The following SLC2A13 variants were observed in gnomAD, a reference collection of about 807,000 sequenced individuals.
The protein encoded by SLC2A13 is solute carrier family 2 member 13.
Under a neutral mutation model 64.4 loss-of-function variants are expected in SLC2A13, and 32 were observed. That is an observed-to-expected ratio of 0.50 (90% confidence interval 0.37 to 0.67). The LOEUF (loss-of-function observed/expected upper bound fraction) is 0.67, where lower values mean the gene tolerates loss of function less well. SLC2A13 is among the 30% of genes least tolerant of loss of function. The pLI is 0.00. For missense variants in SLC2A13, 743 were observed against 829.2 expected, an observed-to-expected ratio of 0.90 and a Z score of 1.28; for synonymous variants, 338 against 327.1, an observed-to-expected ratio of 1.03 and a Z score of -0.36.
At chr12:39,994,461 G>A (rs1396941805) in intron 3 of SLC2A13, among the ~76,000 whole-genome samples, 1 of 150,982 alleles carries the variant, frequency 6.6e-6, no homozygotes, top group Admixed American at 6.6e-5. Context: ...ATATGTGTGT[G>A]CATATACATA....
At chr12:40,074,740 T>C (rs1011309717) in intron 1 of SLC2A13, among the ~76,000 whole-genome samples, 2 of 152,176 alleles carry the variant, frequency 1.3e-5, no homozygotes, top group African/African-American at 4.8e-5. Flanking sequence ...TTTTTCTTGA[T>C]AGCCAGACAT....
At chr12:39,949,535 C>T (rs1426406558) in intron 4 of SLC2A13, 1 of 152,154 alleles carries the variant, frequency 6.6e-6, no homozygotes, top group Non-Finnish European at 1.5e-5. Context: ...CATCAATCAG[C>T]TCAATTTACA....
chr12:40,103,987 G>A (rs1939222345), intron 1 of SLC2A13, among the ~76,000 whole-genome samples: 1 of 152,168 alleles, frequency 6.6e-6, no homozygotes, highest in Admixed American at 6.5e-5. Flanking sequence ...TGAATATAAA[G>A]TGCAGTGAGC....
At chr12:39,781,011 A>G (rs1404281607) in intron 7 of SLC2A13, among the ~76,000 whole-genome samples, 1 of 152,202 alleles carries the variant, frequency 6.6e-6, no homozygotes, top group Non-Finnish European at 1.5e-5. Flanking sequence ...ACTGTAAGGC[A>G]GTTTCACAAT....
At chr12:39,849,944 G>A (rs1005711251) in intron 6 of SLC2A13, among the ~76,000 whole-genome samples, 3 of 152,046 alleles carry the variant, frequency 2.0e-5, no homozygotes, top group South Asian at 2.1e-4. Flanking sequence ...TGTTATTAGT[G>A]TATATAATTT....
chr12:39,945,950 T>C (rs1215604223), intron 4 of SLC2A13, among the ~76,000 whole-genome samples: 1 of 152,008 alleles, frequency 6.6e-6, no homozygotes, highest in East Asian at 1.9e-4. Context: ...CATATAGCCA[T>C]GGTTGGCCTT....
At chr12:39,945,456 G>C (rs1014233212) in intron 4 of SLC2A13, among the ~76,000 whole-genome samples, 5 of 151,952 alleles carry the variant, frequency 3.3e-5, no homozygotes, top group Admixed American at 3.3e-4. Flanking sequence ...TGTTTTCCAG[G>C]CTTTTAGAAT....
chr12:40,028,965 A>G (rs1947865579), intron 2 of SLC2A13, among the ~76,000 whole-genome samples: 1 of 152,138 alleles, frequency 6.6e-6, no homozygotes, highest in South Asian at 2.1e-4. Flanking sequence ...GTTATTTCTG[A>G]CTTGTGAATC....
At chr12:39,874,732 G>A (rs1282760299) in intron 4 of SLC2A13, among the ~76,000 whole-genome samples, 2 of 151,854 alleles carry the variant, frequency 1.3e-5, no homozygotes, top group Non-Finnish European at 2.9e-5. Context: ...ACTTTGTATT[G>A]TAGGCAATGG....
intron 3 of SLC2A13, among the ~76,000 whole-genome samples, chr12:40,004,861 T>C (rs1286830893): frequency 6.6e-6 from 1 of 152,136 alleles, no homozygotes; most frequent in African/African-American, 2.4e-5. Context: ...TTTAAGAAAA[T>C]CATAAGAGAG....
chr12:40,086,264 A>AT lies in SLC2A13; in HGVS notation c.556+18988dup, dbSNP rs113417436. On this transcript the variant is annotated intron_variant, in intron 1 of 9. Transcript: ENST00000280871. ...CAGAATGCAGGTGGCATGGGAGGGT[A>AT]TTTTTTTTTAATCCCACTACTCCCC... Among the ~76,000 whole-genome samples, 132 of 151,344 alleles carry AT rather than the reference A, an allele frequency of 8.7e-4. 3 individuals are homozygous for AT. Among genetic ancestry groups the AT allele is most frequent in the African/African-American group, 2.3e-3 (95 of 41,304 alleles).
intron 2 of SLC2A13, among the ~76,000 whole-genome samples, chr12:40,032,057 A>T (rs1211238768): frequency 6.6e-6 from 1 of 152,164 alleles, no homozygotes; most frequent in Non-Finnish European, 1.5e-5. Flanking sequence ...ATCACCTAGG[A>T]GGCTGGTAAA....
chr12:39,939,396 T>G (rs1355096461), intron 4 of SLC2A13, among the ~76,000 whole-genome samples: 1 of 152,196 alleles, frequency 6.6e-6, no homozygotes, highest in African/African-American at 2.4e-5. Context: ...TTTGCTAGGA[T>G]AGTGAGTTAC....
intron 3 of SLC2A13, among the ~76,000 whole-genome samples, chr12:39,960,526 C>T (rs1316395954): frequency 1.3e-5 from 2 of 152,012 alleles, no homozygotes; most frequent in African/African-American, 4.8e-5. Flanking sequence ...ATTACAGGCA[C>T]GCATGACCAT....
intron 5 of SLC2A13, among the ~76,000 whole-genome samples, chr12:39,865,921 T>G (rs1344570566): frequency 6.6e-6 from 1 of 152,156 alleles, no homozygotes; most frequent in Non-Finnish European, 1.5e-5. Flanking sequence ...AACTACTTAT[T>G]GAGTAGTGTG....
intron 7 of SLC2A13, among the ~76,000 whole-genome samples, chr12:39,774,275 A>G (rs954980163): frequency 1.3e-5 from 2 of 152,168 alleles, no homozygotes; most frequent in African/African-American, 2.4e-5. Context: ...GATGGTGTAA[A>G]TTTACTCTAA....
chr12:39,832,151 C>T (rs76644571), intron 6 of SLC2A13, among the ~76,000 whole-genome samples: 363 of 152,230 alleles, frequency 2.4e-3, no homozygotes, highest in African/African-American at 8.5e-3. Flanking sequence ...ATTTTCCACA[C>T]TGGTGATAAG....
chr12:39,808,037 T>A (rs1439494374), intron 7 of SLC2A13, among the ~76,000 whole-genome samples: 1 of 152,166 alleles, frequency 6.6e-6, no homozygotes, highest in African/African-American at 2.4e-5. Context: ...GTCAATGAGT[T>A]TTGACAATGT....
intron 4 of SLC2A13, among the ~76,000 whole-genome samples, chr12:39,901,389 T>G (rs1945101853): frequency 2.0e-5 from 3 of 149,718 alleles, no homozygotes; most frequent in Admixed American, 6.7e-5. Context: ...GAAACTACCA[T>G]CAGAGTGAAC....
Sources: gnomAD v4.1 joint callset for allele counts (sites outside exome capture counted in the v4.1 genomes callset) on GRCh38, gnomAD v4.1.1 for gene constraint, MANE v1.5 for transcripts, NCBI Gene and HGNC (gene_info 2026-07-23, HGNC 2026-07-21) for gene names.